Variants in GSE1 observed in about 807,000 individuals in gnomAD.
GSE1 encodes genetic suppressor element 1.
In GSE1, 32 loss-of-function variants were observed where a neutral mutation model predicts 112.6. That is an observed-to-expected ratio of 0.28 (90% CI 0.21 to 0.38). GSE1 has a LOEUF of 0.38. Ranked by LOEUF, GSE1 falls within the 10% of genes least tolerant of loss-of-function variation. GSE1 has a pLI of 1.00. For synonymous variants in GSE1, 1,115 were observed against 735.6 expected, an observed-to-expected ratio of 1.52 and a Z score of -8.35; for missense variants, 2,348 against 1,699.2, an observed-to-expected ratio of 1.38 and a Z score of -6.71.
upstream of GSE1, among the ~76,000 whole-genome samples, chr16:85,609,556 G>T (rs57690976): frequency 6.9e-4 from 105 of 152,296 alleles, 1 homozygote; most frequent in African/African-American, 2.4e-3. Context: ...CTTTCTGGTG[G>T]ATCCTCCTAG....
At chr16:85,671,248 G>A (rs915148555) in intron 15 of GSE1, 150 bp downstream of exon 15, 25 of 511,270 alleles carry the variant, frequency 4.9e-5, no homozygotes, top group Non-Finnish European at 4.6e-5. Context: ...AGACCATCCC[G>A]GCTAAAACGG....
chr16:85,655,912 G>A lies in GSE1; in HGVS notation c.984G>A (p.Ala328=), dbSNP rs376374898. The change falls in exon 6 of 16, where the codon GCG becomes GCA. Residue 328 remains alanine (A), a synonymous_variant. Transcript: ENST00000253458. The stretch of plus-strand genomic sequence containing the variant: ...CGGAGCGCATGTCTGGCCTCAGCGC[G>A]GAGAGGTAAGTGCGTCTCGAGCCGA... ...LHSERMSGLS[A]ERLQMDEELR... is the part of the protein sequence containing the mutation. 68 of 1,601,498 alleles carry A rather than the reference G, an allele frequency of 4.2e-5. No homozygotes were observed. The highest frequency in any genetic ancestry group is 2.0e-4 in the South Asian group (18 of 90,966).
At chr16:85,620,678 G>A (rs895629502) in intron 1 of GSE1, among the ~76,000 whole-genome samples, 1 of 152,262 alleles carries the variant, frequency 6.6e-6, no homozygotes, top group Non-Finnish European at 1.5e-5. Context: ...CTGGGCTGGC[G>A]CCCCACTCAG....
chr16:85,524,284 C>A (rs1285935853), intron 2 of GSE1, among the ~76,000 whole-genome samples: 1 of 152,004 alleles, frequency 6.6e-6, no homozygotes, highest in African/African-American at 2.4e-5. Flanking sequence ...ACTTGAGACC[C>A]CCAGGGCACC....
intron 1 of GSE1, among the ~76,000 whole-genome samples, chr16:85,572,476 A>AT (rs2046046906): frequency 7.2e-5 from 10 of 139,032 alleles, no homozygotes; most frequent in South Asian, 2.3e-4. Flanking sequence ...CACACATCAC[A>AT]CACACCACAT....
chr16:85,549,442 T>C (rs1260806737), intron 2 of GSE1, among the ~76,000 whole-genome samples: 6 of 152,124 alleles, frequency 3.9e-5, no homozygotes, highest in African/African-American at 1.4e-4. Context: ...CCTCCCAAAG[T>C]GTTGGGATTA....
chr16:85,657,471 C>T lies in GSE1; in HGVS notation c.1507C>T (p.Arg503Trp), dbSNP rs372908179. ...EEEKWLARQR[R>W]LRQEKEDRQS... Reference sequence around the variant, plus strand: ...GGAGAAGTGGCTGGCGCGGCAGCGGCGGCTGCGGCAGGAGAAGGAGGACCG... The same window carrying T: ...GGAGAAGTGGCTGGCGCGGCAGCGGTGGCTGCGGCAGGAGAAGGAGGACCG... The change falls in exon 8 of 16, where the codon CGG (arginine) becomes TGG (tryptophan). Residue 503 changes from arginine to tryptophan, a missense_variant. By Grantham distance (101) the Arg-to-Trp change is moderately radical (BLOSUM62 -3). Transcript: ENST00000253458. The T allele has an allele frequency of 2.6e-5, 42 of 1,608,078 alleles. No individual in the cohort carries two copies. Among genetic ancestry groups the T allele is most frequent in the South Asian group, 1.1e-4 (10 of 90,574 alleles).
chr16:85,237,441 GGGCA>G (rs563255601), intron 1 of GSE1, among the ~76,000 whole-genome samples: 48 of 152,342 alleles, frequency 3.2e-4, no homozygotes, highest in African/African-American at 1.0e-3. Context: ...AGTGACTGGA[GGGCA>G]GAGGTGGGGC....
At position 85,643,153 on chromosome 16, in the gene GSE1, G is replaced by A. The variant is rs180824214; in HGVS notation, c.227-5399G>A. Among the ~76,000 whole-genome samples, 168 of 152,308 alleles carry A rather than the reference G, an allele frequency of 1.1e-3. 2 individuals carry two copies. Among genetic ancestry groups the A allele is most frequent in the African/African-American group, 3.7e-3 (155 of 41,556 alleles). ...ATTACATCTGCCCGTGGGCCTCAGC[G>A]CTAATCTTCGAGGTCAGACAGCAGA... is the stretch of plus-strand genomic sequence containing the variant. On this transcript the variant is annotated intron_variant, in intron 2 of 15. Transcript: ENST00000253458.
At chr16:85,298,362 A>T (rs1489441442) in intron 1 of GSE1, among the ~76,000 whole-genome samples, 1 of 152,096 alleles carries the variant, frequency 6.6e-6, no homozygotes, top group Non-Finnish European at 1.5e-5. Flanking sequence ...TTCCTGAGTC[A>T]CCCGCTGAGC....
Position 85,656,456 on chromosome 16 carries a change from A to G in GSE1, c.1103A>G (p.Glu368Gly), listed in dbSNP as rs762519565. Residue 368 changes from glutamate (E) to glycine (G), a missense_variant, in exon 7 of 16, where the codon GAG (glutamate) becomes GGG (glycine). Coordinates refer to ENST00000253458, the MANE Select transcript of GSE1 (RefSeq NM_014615.5). ...GAACGTGAGCGCGAACGCGAGAAGGAGCGCGAGCAAGAGAAGGAGCGTGAG... is the reference window on the plus strand; with the variant it reads ...GAACGTGAGCGCGAACGCGAGAAGGGGCGCGAGCAAGAGAAGGAGCGTGAG... ...EKEREREREK[E>G]REQEKERERE... 1 of 1,547,166 alleles carries G rather than the reference A, an allele frequency of 6.5e-7. No individual in the cohort carries two copies. Among genetic ancestry groups the G allele is most frequent in the Non-Finnish European group, 8.8e-7 (1 of 1,141,508 alleles).
At chr16:85,491,966 C>A (rs985220451) in intron 2 of GSE1, among the ~76,000 whole-genome samples, 3 of 152,152 alleles carry the variant, frequency 2.0e-5, no homozygotes, top group Non-Finnish European at 4.4e-5. Flanking sequence ...GTGCTCTGAG[C>A]ACCCTGTGGG....
intron 1 of GSE1, among the ~76,000 whole-genome samples, chr16:85,244,990 C>CAAA (rs34575276): frequency 1.7e-5 from 2 of 117,726 alleles, no homozygotes; most frequent in Non-Finnish European, 1.7e-5. Flanking sequence ...GACTTCATCT[C>CAAA]AAAAAAAAAA....
intron 1 of GSE1, among the ~76,000 whole-genome samples, chr16:85,257,191 C>T (rs1387449600): frequency 1.3e-5 from 2 of 152,202 alleles, no homozygotes; most frequent in Non-Finnish European, 2.9e-5. Context: ...CCACTGCAAC[C>T]TCCACCTCCT....
intron 2 of GSE1, among the ~76,000 whole-genome samples, chr16:85,531,356 G>A (rs1291785687): frequency 3.9e-5 from 6 of 152,278 alleles, no homozygotes; most frequent in East Asian, 3.9e-4. Flanking sequence ...GGAGTAAGTC[G>A]TCCAGGGCCG....
chr16:85,208,624 C>T (rs1371683942), intron 1 of GSE1, among the ~76,000 whole-genome samples: 3 of 151,980 alleles, frequency 2.0e-5, no homozygotes, highest in Admixed American at 6.5e-5. Context: ...TTAGGCTTTG[C>T]GGGCCACTTA....
chr16:85,591,420 C>T (rs1410707718), intron 1 of GSE1, among the ~76,000 whole-genome samples: 1 of 152,228 alleles, frequency 6.6e-6, no homozygotes, highest in Non-Finnish European at 1.5e-5. Flanking sequence ...ATTTGGGAGC[C>T]CAGTGGCTCT....
At chr16:85,667,696 TAAAAATGC>T (rs1466458573) in intron 13 of GSE1, among the ~76,000 whole-genome samples, 3 of 152,164 alleles carry the variant, frequency 2.0e-5, no homozygotes, top group Admixed American at 1.3e-4. Context: ...CTGTTTCTAC[TAAAAATGC>T]AAAAATTAGC....
In GSE1 at chr16:85,472,901, C is replaced by T. The variant is rs144634661; in HGVS notation, c.2464+115258C>T. ...TCTCCTGGGCTCCCTGCAGACCCTG[C>T]CATGCCATGGCTCCTCCAACTGAGG... On this transcript the variant is annotated intron_variant, in intron 2 of 2. Coordinates refer to the GSE1 transcript ENST00000637419. Among the ~76,000 whole-genome samples, 811 of 152,322 alleles carry T rather than the reference C, an allele frequency of 5.3e-3. 7 individuals are homozygous for T. The highest frequency in any genetic ancestry group is 0.019 in the African/African-American group (771 of 41,568).
Sources: allele counts gnomAD v4.1 joint callset (sites outside exome capture counted in the v4.1 genomes callset), GRCh38; gene constraint gnomAD v4.1.1; transcripts MANE v1.5; gene names NCBI Gene and HGNC (gene_info 2026-07-23, HGNC 2026-07-21).